NTRK1: variants seen among roughly 807,000 people sequenced by gnomAD.
NTRK1 encodes the protein high affinity nerve growth factor receptor.
Under a neutral mutation model 86.8 loss-of-function variants are expected in NTRK1, and 62 were observed. The ratio of observed to expected loss-of-function variants is 0.71; its 90% confidence interval spans 0.58 to 0.88. The LOEUF is 0.88. Ranked by LOEUF, NTRK1 falls within the 40% of genes least tolerant of loss-of-function variation. NTRK1 has a pLI of 0.00. For missense variants in NTRK1, 967 were observed against 1,078.4 expected (o/e 0.90, Z 1.45); for synonymous variants, 469 against 456.6 (o/e 1.03, Z -0.35).
chr1:156,823,799 G>A (rs1043064245), intron 1 of NTRK1, among the ~76,000 whole-genome samples: 2 of 152,188 alleles, frequency 1.3e-5, no homozygotes, highest in African/African-American at 4.8e-5. Context: ...TGTTGATCAG[G>A]CCATTGTGCC....
intron 16 of NTRK1, 40 bp downstream of exon 16, chr1:156,880,197 G>A (rs554820750): frequency 3.7e-5 from 59 of 1,605,520 alleles, no homozygotes; most frequent in South Asian, 8.8e-5. Flanking sequence ...TGGCCTCCCC[G>A]TCCCATGCCC....
At chr1:156,874,208 G>C (rs964504023) in intron 8 of NTRK1, 175 bp from the exon 9 acceptor site, 1 of 1,067,920 alleles carries the variant, frequency 9.4e-7, no homozygotes, top group South Asian at 1.3e-5. Flanking sequence ...TCCTGGCCCA[G>C]CTGGAAAAGG....
rs1251737350 is a variant in NTRK1, at chr1:156,874,248, G to T, written c.1178-135G>T. ...CATGCATCTTCTTCCTTGAGGCCCA[G>T]CAGCCCACCTCCATCCCCCCTCGTC... On this transcript the variant is annotated intron_variant, in intron 8 of 16. Coordinates refer to ENST00000524377, the MANE Select transcript of NTRK1 (RefSeq NM_002529.4). The T allele has an allele frequency of 2.9e-6, 4 of 1,363,386 alleles. No homozygotes were observed. In the Admixed American group the frequency reaches 6.7e-5, roughly 23 times the overall value. The allele number at this position is 1,363,386 out of a possible 1,614,324, so 84.5% of individuals were successfully genotyped here. A position where few individuals can be genotyped will look rare whatever the true frequency, so the allele number is the denominator to read the frequency against.
intron 2 of NTRK1, chr1:156,853,631 G>A (rs1387862999): frequency 1.0e-6 from 1 of 991,622 alleles, no homozygotes; most frequent in Non-Finnish European, 1.5e-6. Context: ...CTCATAGGAT[G>A]AGTGAGGATT....
At chr1:156,846,060 G>C in intron 2 of NTRK1, 1 of 1,612,552 alleles carries the variant, frequency 6.2e-7, no homozygotes, top group Middle Eastern at 1.7e-4. Context: ...GGCTTCCAGC[G>C]CACCAGGAGG....
At chr1:156,846,728 C>G in intron 2 of NTRK1, 1 of 1,614,070 alleles carries the variant, frequency 6.2e-7, no homozygotes, top group Non-Finnish European at 8.5e-7. Flanking sequence ...AGCATCTGGA[C>G]CCACGTGCTC....
chr1:156,841,718 C>T (rs1262273137), intron 1 of NTRK1: 3 of 1,614,146 alleles, frequency 1.9e-6, no homozygotes, highest in East Asian at 4.5e-5. Flanking sequence ...CGGGGGCCAT[C>T]CAGCGCACGG....
intron 2 of NTRK1, chr1:156,852,214 G>C (rs776085070): frequency 6.4e-7 from 1 of 1,559,082 alleles, no homozygotes; most frequent in South Asian, 1.2e-5. Flanking sequence ...TGGTGTGTTA[G>C]ACGTTGGCCA....
intron 7 of NTRK1, 74 bp downstream of exon 7, chr1:156,871,829 G>C (rs1647576200): frequency 4.4e-6 from 7 of 1,600,558 alleles, no homozygotes; most frequent in Non-Finnish European, 6.0e-6. Context: ...TGTAGGGTGG[G>C]GGGCTGGAAG....
rs1489549965 is a variant in NTRK1 at position 156,827,292 on chromosome 1, C to T, written c.-64+11454C>T. On this transcript the variant is annotated intron_variant, in intron 1 of 16. Coordinates refer to the NTRK1 transcript ENST00000392302. ...TTTATTTTTTTTTGAGACAGAGTCT[C>T]ACTCTGTCACCCAGGCTGGAGTGCA... Among the ~76,000 whole-genome samples the T allele has an allele frequency of 4.0e-5, 6 of 150,420 alleles. No individual in the cohort carries two copies. In the East Asian group the frequency reaches 7.8e-4, roughly 20 times the overall value.
At chr1:156,849,086 C>T (rs372035532) in intron 2 of NTRK1, 1 of 1,603,824 alleles carries the variant, frequency 6.2e-7, no homozygotes, top group African/African-American at 1.3e-5. Flanking sequence ...CCGCGCCTGC[C>T]AGCTGCTTGA....
chr1:156,879,085 C>T (rs2102923857), intron 14 of NTRK1, 37 bp from the exon 15 acceptor site: 1 of 1,610,926 alleles, frequency 6.2e-7, no homozygotes, highest in Non-Finnish European at 8.5e-7. Context: ...GGAGTTCTAT[C>T]CTCCCAGCCT....
intron 1 of NTRK1, among the ~76,000 whole-genome samples, chr1:156,836,968 G>T (rs185030513): frequency 2.6e-5 from 4 of 152,214 alleles, no homozygotes; most frequent in African/African-American, 7.2e-5. Context: ...AGATATCCAC[G>T]CCCAGTGGTC....
chr1:156,851,361 G>A, intron 2 of NTRK1: 1 of 1,614,146 alleles, frequency 6.2e-7, no homozygotes, highest in Non-Finnish European at 8.5e-7. Flanking sequence ...GGGCAAAGGA[G>A]TGCTTGATTT....
intron 1 of NTRK1, among the ~76,000 whole-genome samples, chr1:156,834,043 T>C (rs1450906996): frequency 6.6e-6 from 1 of 152,216 alleles, no homozygotes; most frequent in Non-Finnish European, 1.5e-5. Context: ...ACCAGTAAAG[T>C]CAATCCCTTA....
At chr1:156,844,142 A>C in intron 2 of NTRK1, 1 of 1,502,420 alleles carries the variant, frequency 6.7e-7, no homozygotes, top group Non-Finnish European at 9.2e-7. Context: ...TCAGGGAGAA[A>C]AGGGGGTGGG....
At chr1:156,851,545 G>A in intron 2 of NTRK1, 1 of 1,605,868 alleles carries the variant, frequency 6.2e-7, no homozygotes. Flanking sequence ...CTGGGACCCA[G>A]GATGATGGAA....
In NTRK1 at chr1:156,868,527, G is replaced by A. The variant is rs866692522; in HGVS notation, c.597G>A (p.Gln199=). 2 of 1,559,274 alleles carry A rather than the reference G, an allele frequency of 1.3e-6. No individual in the cohort carries two copies. Among genetic ancestry groups the A allele is most frequent in the Non-Finnish European group, 1.7e-6 (2 of 1,151,264 alleles). Residue 199 remains glutamine, a synonymous_variant, in exon 6 of 17, where the codon CAG becomes CAA. Transcript: ENST00000524377. Reference sequence around the variant, plus strand: ...CAGGTGTGCCCACGCTGAAGGTCCAGGTGCCCAATGCCTCGGTGGATGTGG... The same window carrying A: ...CAGGTGTGCCCACGCTGAAGGTCCAAGTGCCCAATGCCTCGGTGGATGTGG... ...ASCGVPTLKV[Q]VPNASVDVGD... is the part of the protein sequence containing the mutation.
intron 6 of NTRK1, among the ~76,000 whole-genome samples, chr1:156,869,578 A>T (rs991447566): frequency 1.3e-5 from 2 of 152,150 alleles, no homozygotes; most frequent in African/African-American, 4.8e-5. Context: ...AATTCTGGGA[A>T]TGACTTTCAG....
Sources: allele counts gnomAD v4.1 joint callset (sites outside exome capture counted in the v4.1 genomes callset), GRCh38; gene constraint gnomAD v4.1.1; transcripts MANE v1.5; gene names NCBI Gene and HGNC (gene_info 2026-07-23, HGNC 2026-07-21).